PLEC: variants seen among roughly 807,000 people sequenced by gnomAD.
PLEC encodes hemidesmosomal protein 1.
PLEC carries 216 observed loss-of-function variants against 392.8 expected under a neutral mutation model. The ratio of observed to expected loss-of-function variants is 0.55; its 90% confidence interval spans 0.49 to 0.62. The LOEUF is 0.62. Ranked by LOEUF, PLEC falls within the 20% of genes least tolerant of loss-of-function variation. The pLI, the probability that PLEC is intolerant of heterozygous loss-of-function variation, is 0.00. For synonymous variants in PLEC, 3,621 were observed against 2,980.6 expected (o/e 1.21, Z -7.00); for missense variants, 6,863 against 6,563.4 (o/e 1.05, Z -1.58).
rs200447944 is a variant in PLEC, at chr8:143,916,581, G to A, written c.13240C>T (p.Arg4414Cys). Residue 4414 changes from arginine to cysteine, a missense_variant, in exon 32 of 32, where the codon CGC becomes TGC. Coordinates refer to ENST00000345136, the MANE Select transcript of PLEC (RefSeq NM_201384.3). ...GRVPLDEALQRGTVDARTAQK... is the reference protein window; with the variant it reads ...GRVPLDEALQCGTVDARTAQK... ...GCGGTGCGGGCGTCCACCGTGCCGC[G>A]CTGCAGGGCCTCGTCCAGGGGCACG... 7.5e-5 allele frequency: 121 copies of A among 1,611,400 alleles called. No individual in the cohort carries two copies. The Admixed American group carries it at 8.7e-4, about 12-fold the overall frequency.
rs782118220 is a variant in PLEC at position 143,923,060 on chromosome 8, G to A, written c.6869C>T (p.Ala2290Val). ...CTCTGCCAGCTGCCGCAGTCGCGCA[G>A]CCTCTTGGGCCGCCACACTCAGCCG... ...AARLSVAAQE[A>V]ARLRQLAEED... Residue 2290 changes from alanine (A) to valine (V), a missense_variant, in exon 31 of 32, where the codon GCT (alanine) becomes GTT (valine). By Grantham distance (64) the Ala-to-Val change is moderately conservative. Transcript: ENST00000345136. 161 of 1,609,968 alleles carry A rather than the reference G, an allele frequency of 1.0e-4. No homozygotes were observed. The highest frequency in any genetic ancestry group is 1.3e-4 in the Non-Finnish European group (155 of 1,179,772).
chr8:143,932,061 C>T (rs1401102162), intron 17 of PLEC, 29 bp from the exon 18 acceptor site: 21 of 1,551,716 alleles, frequency 1.4e-5, no homozygotes, highest in Non-Finnish European at 1.7e-5. Context: ...CGGTCAGGCC[C>T]CGCCCCGCCC....
chr8:143,965,907 A>G (rs564926711), intron 1 of PLEC, among the ~76,000 whole-genome samples: 23 of 152,262 alleles, frequency 1.5e-4, no homozygotes, highest in African/African-American at 4.8e-4. Context: ...TTCCCCAGGG[A>G]ACTCGGGCCA....
At chr8:143,938,363 A>G (rs1829627409) in intron 2 of PLEC, 123 bp from the exon 3 acceptor site, 31 of 1,535,578 alleles carry the variant, frequency 2.0e-5, no homozygotes, top group Non-Finnish European at 2.7e-5. Flanking sequence ...GTCTCCCGGG[A>G]GCCCACGGAA....
At chr8:143,967,255 C>A (rs566234250) in intron 1 of PLEC, among the ~76,000 whole-genome samples, 15 of 149,018 alleles carry the variant, frequency 1.0e-4, no homozygotes, top group African/African-American at 3.7e-4. Context: ...CCCAGCTACT[C>A]GGGAGCCTGA....
intron 2 of PLEC, 173 bp downstream of exon 2, chr8:143,938,456 AAG>A (rs1423781517): frequency 6.5e-7 from 1 of 1,545,428 alleles, no homozygotes; most frequent in South Asian, 1.2e-5. Flanking sequence ...GAAGAGGAGG[AAG>A]AGAGAGGCAG....
chr8:143,949,797 C>A (rs368906688), intron 1 of PLEC, among the ~76,000 whole-genome samples: 1 of 152,218 alleles, frequency 6.6e-6, no homozygotes, highest in Non-Finnish European at 1.5e-5. Flanking sequence ...CACACCCAAC[C>A]GGCGCCAGCA....
chr8:143,960,400 T>C (rs550735628), intron 1 of PLEC, among the ~76,000 whole-genome samples: 3 of 152,148 alleles, frequency 2.0e-5, no homozygotes, highest in Non-Finnish European at 4.4e-5. Flanking sequence ...GCGGATCACC[T>C]GAGGTCAGAA....
intron 1 of PLEC, among the ~76,000 whole-genome samples, chr8:143,964,406 T>C (rs1832992180): frequency 6.6e-6 from 1 of 151,928 alleles, no homozygotes; most frequent in Middle Eastern, 3.2e-3. Flanking sequence ...CCAAGTGTCT[T>C]ACAAGAGATG....
chr8:143,935,128 G>A lies in PLEC; in HGVS notation c.719-11C>T, dbSNP rs1554721949. 1.9e-6 allele frequency: 3 copies of A among 1,612,668 alleles called. No homozygotes were observed. The African/African-American group carries it at 4.0e-5, about 21-fold the overall frequency. On this transcript the variant is annotated splice_polypyrimidine_tract_variant and intron_variant, in intron 7 of 31. Transcript: ENST00000345136. ...GAGGGACATCCACGTCTGCAGGGAA[G>A]GGCAGCTCAGCGGTGGCTCTGGGGC...
At chr8:143,975,349 C>G, upstream of PLEC, 1 of 1,609,746 alleles carries the variant, frequency 6.2e-7, no homozygotes, top group Non-Finnish European at 8.5e-7. This position sits in a 1 kb window ranked among gnomAD's most constrained non-coding sequence, Gnocchi z 9.9. Context: ...CTGCCCGGAC[C>G]TCAGCGTCCT....
At position 143,916,788 on chromosome 8, in the gene PLEC, T is replaced by C. The variant is rs1554670129; in HGVS notation, c.13033A>G (p.Met4345Val). 1.9e-6 allele frequency: 3 copies of C among 1,613,166 alleles called. No individual in the cohort carries two copies. Among genetic ancestry groups the C allele is most frequent in the South Asian group, 1.1e-5 (1 of 91,088 alleles). Reference sequence around the variant, plus strand: ...TGGGCCAGGTTGATGCGGTCCACCATGATCTTGTCCACCAGGCCCTTGTTG... The same window carrying C: ...TGGGCCAGGTTGATGCGGTCCACCACGATCTTGTCCACCAGGCCCTTGTTG... Reference protein sequence around the residue: ...AVNKGLVDKIMVDRINLAQKA... With the variant: ...AVNKGLVDKIVVDRINLAQKA... The change falls in exon 32 of 32, where the codon ATG (methionine) becomes GTG (valine). Residue 4345 changes from methionine to valine, a missense_variant. Physicochemically the swap from Met to Val is conservative, Grantham distance 21. Coordinates refer to ENST00000345136, the MANE Select transcript of PLEC (RefSeq NM_201384.3).
At position 143,922,100 on chromosome 8, in the gene PLEC, T is replaced by C; in HGVS notation, c.7721A>G (p.Gln2574Arg). ...CTGCCGCCGCTGCTGCTCCAGCTGC[T>C]GCAGCTCCTCCTGCTTGCGCCGCAC... ...EGVRRKQEEL[Q>R]QLEQQRRQQE... is the part of the protein sequence containing the mutation. The change falls in exon 32 of 32, where the codon CAG (glutamine) becomes CGG (arginine). Residue 2574 changes from glutamine (Q) to arginine (R), a missense_variant. Physicochemically the swap from Gln to Arg is conservative, Grantham distance 43. Coordinates refer to ENST00000345136, the MANE Select transcript of PLEC (RefSeq NM_201384.3). 1.9e-6 allele frequency: 3 copies of C among 1,562,228 alleles called. No homozygotes were observed. The highest frequency in any genetic ancestry group is 2.6e-6 in the Non-Finnish European group (3 of 1,160,996).
At position 143,925,214 on chromosome 8, in the gene PLEC, C is replaced by T. The variant is rs782278619; in HGVS notation, c.4715G>A (p.Arg1572His). The T allele has an allele frequency of 1.1e-4, 174 of 1,587,124 alleles. No homozygotes were observed. The highest frequency in any genetic ancestry group is 1.9e-4 in the Middle Eastern group (1 of 5,392). The stretch of plus-strand genomic sequence containing the variant: ...GCTCTGCAGCTCCGCCTCTGCACTG[C>T]GCTGCGCCGTCTCCAGGGCCACCTG... ...QVQVALETAQRSAEAELQSKR... is the reference protein window; with the variant it reads ...QVQVALETAQHSAEAELQSKR... The change falls in exon 31 of 32, where the codon CGC (arginine) becomes CAC (histidine). Residue 1572 changes from arginine (R) to histidine (H), a missense_variant. Coordinates refer to ENST00000345136, the MANE Select transcript of PLEC (RefSeq NM_201384.3).
chr8:143,929,881 C>T, intron 22 of PLEC, 52 bp from the exon 23 acceptor site: 1 of 1,602,292 alleles, frequency 6.2e-7, no homozygotes, highest in Non-Finnish European at 8.5e-7. Flanking sequence ...GTGCCCTGCA[C>T]AACGCCTCTC....
Position 143,925,660 on chromosome 8 carries a change from C to T in PLEC, c.4269G>A (p.Gln1423=), listed in dbSNP as rs1564065658. The change falls in exon 31 of 32, where the codon CAG becomes CAA. Residue 1423 remains glutamine (Q), a synonymous_variant. Coordinates refer to ENST00000345136, the MANE Select transcript of PLEC (RefSeq NM_201384.3). ...CCGCCTCCGAGCTCTGCCGCAGCTG[C>T]TGCAGCTCCTCCTGAATGCTGCGCT... ...QQKRSIQEEL[Q]QLRQSSEAEI... The T allele has an allele frequency of 1.3e-6, 2 of 1,588,244 alleles. No homozygotes were observed. Among genetic ancestry groups the T allele is most frequent in the African/African-American group, 1.3e-5 (1 of 74,662 alleles).
chr8:143,973,680 G>C (rs1564240252), upstream of PLEC, among the ~76,000 whole-genome samples: 1 of 150,132 alleles, frequency 6.7e-6, no homozygotes, highest in Non-Finnish European at 1.5e-5. The surrounding 1 kb of genome is among the most constrained non-coding windows in gnomAD (Gnocchi z 5.6). Context: ...CGGCGGGCCG[G>C]TTCCGCGGGC....
Position 143,920,289 on chromosome 8 carries a change from C to A in PLEC, c.9532G>T (p.Ala3178Ser), listed in dbSNP as rs781938939. ...SRALSAPRADAKAYSDPSTGE... is the reference protein window; with the variant it reads ...SRALSAPRADSKAYSDPSTGE... ...GTGCTGGGGTCACTGTAGGCCTTGG[C>A]GTCGGCCCTTGGTGCCGACAGGGCC... Residue 3178 changes from alanine (A) to serine (S), a missense_variant, in exon 32 of 32, where the codon GCC becomes TCC. Transcript: ENST00000345136. The A allele has an allele frequency of 1.3e-6, 2 of 1,591,642 alleles. No individual in the cohort carries two copies. Among genetic ancestry groups the A allele is most frequent in the Non-Finnish European group, 1.7e-6 (2 of 1,175,066 alleles).
chr8:143,974,736 T>C (rs954094920), upstream of PLEC, among the ~76,000 whole-genome samples: 1 of 152,074 alleles, frequency 6.6e-6, no homozygotes. This position sits in a 1 kb window ranked among gnomAD's most constrained non-coding sequence, Gnocchi z 5.9. Context: ...TTCCCATCGT[T>C]CTCCCTGGAT....
Sources: allele counts gnomAD v4.1 joint callset (sites outside exome capture counted in the v4.1 genomes callset), GRCh38; gene constraint gnomAD v4.1.1; non-coding constraint Gnocchi (gnomAD v3.1); transcripts MANE v1.5; gene names NCBI Gene and HGNC (gene_info 2026-07-23, HGNC 2026-07-21).